The following SLMAP variants were observed in gnomAD, a reference collection of about 807,000 sequenced individuals.
The protein encoded by SLMAP is sarcolemma associated protein.
In SLMAP, 44 loss-of-function variants were observed where a neutral mutation model predicts 128.8. The observed-to-expected ratio is 0.34, with a 90% CI of 0.27 to 0.44. The LOEUF is 0.44. Ranked by LOEUF, SLMAP falls within the 20% of genes least tolerant of loss-of-function variation. The probability of loss-of-function intolerance (pLI) is 1.00; values close to 1 mark genes in which losing one functional copy is unlikely to be tolerated. For missense variants in SLMAP, 787 were observed against 985.3 expected (o/e 0.80, Z 2.69); for synonymous variants, 327 against 348.8 (o/e 0.94, Z 0.70).
chr3:57,922,662 C>T (rs896016503), intron 22 of SLMAP, among the ~76,000 whole-genome samples: 1 of 151,902 alleles, frequency 6.6e-6, no homozygotes, highest in Admixed American at 6.6e-5. Flanking sequence ...CTCCTGACCT[C>T]GTGATCTGCC....
intron 2 of SLMAP, among the ~76,000 whole-genome samples, chr3:57,831,171 G>T (rs980089557): frequency 6.6e-6 from 1 of 152,040 alleles, no homozygotes; most frequent in Admixed American, 6.5e-5. Flanking sequence ...AGGTTGTACC[G>T]TTTTATGTAG....
At chr3:57,766,436 A>G (rs145159320) in intron 2 of SLMAP, among the ~76,000 whole-genome samples, 46 of 152,216 alleles carry the variant, frequency 3.0e-4, no homozygotes, top group African/African-American at 1.1e-3. Flanking sequence ...TTAACTCTTA[A>G]TATATGTCAG....
intron 24 of SLMAP, 113 bp downstream of exon 24, chr3:57,926,047 C>A: frequency 2.7e-6 from 2 of 732,760 alleles, no homozygotes; most frequent in Non-Finnish European, 4.8e-6. Context: ...CTGAAGCAAA[C>A]CCTTCATTTA....
At chr3:57,802,218 A>G (rs2088654752) in intron 2 of SLMAP, among the ~76,000 whole-genome samples, 1 of 151,686 alleles carries the variant, frequency 6.6e-6, no homozygotes, top group African/African-American at 2.4e-5. Flanking sequence ...TCCCTATGCC[A>G]TTTGCAGTTA....
Position 57,885,771 on chromosome 3 carries a change from C to CTTTTTTTTTTTTTTTTTT in SLMAP, c.1301-4257_1301-4240dup, listed in dbSNP as rs35541333. 1.1e-4 allele frequency among the ~76,000 whole-genome samples: 6 copies of CTTTTTTTTTTTTTTTTTT among 53,574 alleles called. 2 individuals are homozygous for CTTTTTTTTTTTTTTTTTT. Among genetic ancestry groups the CTTTTTTTTTTTTTTTTTT allele is most frequent in the African/African-American group, 1.6e-4 (2 of 12,464 alleles). The allele number at this position is 53,574 out of a possible 152,430, so 35.1% of individuals were successfully genotyped here. On this transcript the variant is annotated intron_variant, in intron 14 of 24. Transcript: ENST00000671191. ...TTGTTTTGCTTTTCGGTTTTTGGTTCTTTTTTTTTTTTTTTTTTTTTTTTT... is the reference window on the plus strand; with the variant it reads ...TTGTTTTGCTTTTCGGTTTTTGGTTCTTTTTTTTTTTTTTTTTTTTTTTTTTTTTTTTTTTTTTTTTTT...
At position 57,927,987 on chromosome 3, in the gene SLMAP, A is replaced by G. The variant is rs1057719; in HGVS notation, c.*698A>G. ...AAATACGTTTGGAAAATAAACTGTT[A>G]TGGTGATAATTTGGGGAATATGTGC... On this transcript the variant is annotated 3_prime_UTR_variant, in exon 25 of 25. Transcript: ENST00000671191. 46,798 of 151,872 alleles carry G rather than the reference A, an allele frequency of 0.31. 7,509 individuals carry two copies. Among genetic ancestry groups the G allele is most frequent in the East Asian group, 0.48 (2,471 of 5,154 alleles). The allele number at this position is 151,872 out of a possible 1,614,324, so 9.4% of individuals were successfully genotyped here.
At chr3:57,799,349 C>CT (rs1342521099) in intron 2 of SLMAP, among the ~76,000 whole-genome samples, 3 of 152,178 alleles carry the variant, frequency 2.0e-5, no homozygotes, top group Non-Finnish European at 2.9e-5. Context: ...GAGGAAAAGG[C>CT]TTTTGCCTTA....
At chr3:57,873,739 C>T (rs2095538170) in intron 14 of SLMAP, among the ~76,000 whole-genome samples, 1 of 152,058 alleles carries the variant, frequency 6.6e-6, no homozygotes, top group South Asian at 2.1e-4. Context: ...CTTTCATGGG[C>T]CTAGGCAGGA....
intron 2 of SLMAP, among the ~76,000 whole-genome samples, chr3:57,763,698 T>C (rs1196356633): frequency 6.6e-6 from 1 of 152,156 alleles, no homozygotes; most frequent in Non-Finnish European, 1.5e-5. Context: ...AACTTTTACA[T>C]TGGATAGAGA....
intron 10 of SLMAP, 115 bp from the exon 11 acceptor site, chr3:57,864,433 T>A (rs1268271828): frequency 1.5e-6 from 1 of 647,930 alleles, no homozygotes; most frequent in Non-Finnish European, 2.6e-6. Context: ...GTAGAACATT[T>A]CTTTTCTACA....
At chr3:57,917,808 G>C (rs545541045) in intron 22 of SLMAP, 1 of 152,238 alleles carries the variant, frequency 6.6e-6, no homozygotes, top group Non-Finnish European at 1.5e-5. Context: ...CTCCTGGCCA[G>C]CTCGGGGAAT....
At chr3:57,771,514 A>G (rs1398627405) in intron 2 of SLMAP, among the ~76,000 whole-genome samples, 2 of 152,032 alleles carry the variant, frequency 1.3e-5, no homozygotes, top group Non-Finnish European at 1.5e-5. Context: ...TACAGGCATG[A>G]GCCACTGCAC....
chr3:57,845,035 C>G (rs1402042335), intron 4 of SLMAP, among the ~76,000 whole-genome samples: 1 of 152,158 alleles, frequency 6.6e-6, no homozygotes, highest in Admixed American at 6.5e-5. Flanking sequence ...CAATGGTTAT[C>G]TCTGAGTGCT....
At chr3:57,787,025 C>T (rs576985720) in intron 2 of SLMAP, among the ~76,000 whole-genome samples, 73 of 152,164 alleles carry the variant, frequency 4.8e-4, no homozygotes, top group African/African-American at 1.6e-3. Flanking sequence ...CGTGAGCCAC[C>T]GCACCCTGCC....
At position 57,847,193 on chromosome 3, in the gene SLMAP, T is replaced by G; in HGVS notation, c.420-4T>G. The G allele has an allele frequency of 6.3e-7, 1 of 1,596,036 alleles. No homozygotes were observed. The highest frequency in any genetic ancestry group is 8.6e-7 in the Non-Finnish European group (1 of 1,169,230). ...AGATAAAACTTCTAAATTTTACTTT[T>G]CAGTGTCATCCATGCACCATTACCA... On this transcript the variant is annotated splice_polypyrimidine_tract_variant and splice_region_variant and intron_variant, in intron 4 of 24. Coordinates refer to ENST00000671191, the MANE Select transcript of SLMAP (RefSeq NM_001377540.1).
chr3:57,845,000 C>A (rs1287188345), intron 4 of SLMAP, among the ~76,000 whole-genome samples: 1 of 152,132 alleles, frequency 6.6e-6, no homozygotes, highest in African/African-American at 2.4e-5. Flanking sequence ...ATGTGCATAT[C>A]TGCAGAGAAA....
intron 2 of SLMAP, among the ~76,000 whole-genome samples, chr3:57,805,665 C>T (rs1489294054): frequency 6.6e-6 from 1 of 152,154 alleles, no homozygotes; most frequent in Non-Finnish European, 1.5e-5. Flanking sequence ...TCAGTTTGAT[C>T]TCAGTATGTC....
chr3:57,805,255 A>G (rs1053001457), intron 2 of SLMAP, among the ~76,000 whole-genome samples: 14 of 152,040 alleles, frequency 9.2e-5, no homozygotes, highest in South Asian at 4.1e-4. Flanking sequence ...TTTTTGGATC[A>G]TCTTATATAT....
Position 57,841,343 on chromosome 3 carries a change from G to A in SLMAP, c.391G>A (p.Asp131Asn). The change falls in exon 4 of 25, where the codon GAT becomes AAT. Residue 131 changes from aspartate to asparagine, a missense_variant. Physicochemically the swap from Asp to Asn is conservative, Grantham distance 23. Around this residue, in one of 2 missense-constraint regions of SLMAP, gnomAD observed 715 missense variants for 843.6 expected, o/e 0.85. Coordinates refer to ENST00000671191, the MANE Select transcript of SLMAP (RefSeq NM_001377540.1). ...IVSTIKLFLPDGMEARLRSDV... is the reference protein window; with the variant it reads ...IVSTIKLFLPNGMEARLRSDV... The stretch of plus-strand genomic sequence containing the variant: ...TTCCACAATAAAACTTTTTCTACCA[G>A]ATGGTATGGAAGCCCGGCTCCGCTC... 1 of 1,610,548 alleles carries A rather than the reference G, an allele frequency of 6.2e-7. No individual in the cohort carries two copies. The highest frequency in any genetic ancestry group is 1.3e-5 in the African/African-American group (1 of 74,886).
Sources: allele counts gnomAD v4.1 joint callset (sites outside exome capture counted in the v4.1 genomes callset), GRCh38; gene constraint gnomAD v4.1.1; regional missense constraint gnomAD v4.1.1; transcripts MANE v1.5; gene names NCBI Gene and HGNC (gene_info 2026-07-23, HGNC 2026-07-21).